LRBA: variants seen among roughly 807,000 people sequenced by gnomAD.
LRBA encodes lipopolysaccharide-responsive and beige-like anchor protein.
LRBA carries 176 observed loss-of-function variants against 330.0 expected under a neutral mutation model. The observed-to-expected ratio is 0.53, with a 90% confidence interval of 0.47 to 0.60. LRBA has a LOEUF of 0.60. Ranked by LOEUF, LRBA falls within the 20% of genes least tolerant of loss-of-function variation. LRBA has a pLI of 0.00. For synonymous variants in LRBA, 1,230 were observed against 1,193.0 expected (o/e 1.03, Z -0.64); for missense variants, 3,259 against 3,444.8 (o/e 0.95, Z 1.35).
chr4:150,641,234 C>T (rs1333316509), intron 37 of LRBA, among the ~76,000 whole-genome samples: 2 of 152,120 alleles, frequency 1.3e-5, no homozygotes, highest in Non-Finnish European at 2.9e-5. Flanking sequence ...CCCATGAATC[C>T]TCAATATCCT....
At chr4:150,863,835 T>C (rs1752310232) in intron 22 of LRBA, among the ~76,000 whole-genome samples, 1 of 152,210 alleles carries the variant, frequency 6.6e-6, no homozygotes, top group Non-Finnish European at 1.5e-5. Context: ...CTTTATTTTG[T>C]ATATAGGGAA....
At position 150,871,367 on chromosome 4, in the gene LRBA, G is replaced by A. The variant is rs776922216; in HGVS notation, c.2345C>T (p.Thr782Ile). The A allele has an allele frequency of 2.9e-5, 46 of 1,607,684 alleles. No individual in the cohort carries two copies. The highest frequency in any genetic ancestry group is 3.7e-5 in the Non-Finnish European group (43 of 1,174,630). Residue 782 changes from threonine to isoleucine, a missense_variant, in exon 19 of 57, where the codon ACC (threonine) becomes ATC (isoleucine). By Grantham distance (89) the Thr-to-Ile change is moderately conservative (BLOSUM62 -1). Coordinates refer to ENST00000651943, the MANE Select transcript of LRBA (RefSeq NM_001364905.1). Reference protein sequence around the residue: ...LMLQTNLITMTTYNVLFEILI... With the variant: ...LMLQTNLITMITYNVLFEILI... ...TACCTCAAACAGCACATTATATGTGGTCATTGTGATTAAATTTGTCTGAAG... is the reference window on the plus strand; with the variant it reads ...TACCTCAAACAGCACATTATATGTGATCATTGTGATTAAATTTGTCTGAAG...
chr4:150,858,949 A>G (rs2126948395), intron 22 of LRBA, among the ~76,000 whole-genome samples: 1 of 152,266 alleles, frequency 6.6e-6, no homozygotes, highest in African/African-American at 2.4e-5. Flanking sequence ...ATTTTAATAA[A>G]CCAATTAGAG....
chr4:150,485,078 T>C (rs1310999627), intron 42 of LRBA, among the ~76,000 whole-genome samples: 1 of 152,000 alleles, frequency 6.6e-6, no homozygotes. Flanking sequence ...TCTACGTGTA[T>C]TTAAAATGAA....
chr4:150,914,223 G>A lies in LRBA; in HGVS notation c.1133C>T (p.Ala378Val). The change falls in exon 9 of 57, where the codon GCT becomes GTT. Residue 378 changes from alanine (A) to valine (V), a missense_variant. By Grantham distance (64) the Ala-to-Val change is moderately conservative (BLOSUM62 0). Coordinates refer to ENST00000651943, the MANE Select transcript of LRBA (RefSeq NM_001364905.1). Reference sequence around the variant, plus strand: ...GTATCCCAGGCCCAACTGATAAATAGCAAATATCTGAGCTGCATTTAGAGC... The same window carrying A: ...GTATCCCAGGCCCAACTGATAAATAACAAATATCTGAGCTGCATTTAGAGC... ...SEALNAAQIF[A>V]IYQLGLGYKG... 6.2e-7 allele frequency: 1 copy of A among 1,607,998 alleles called. No individual in the cohort carries two copies. Among genetic ancestry groups the A allele is most frequent in the Non-Finnish European group, 8.5e-7 (1 of 1,176,872 alleles).
intron 30 of LRBA, among the ~76,000 whole-genome samples, chr4:150,827,379 A>C (rs1389269209): frequency 6.6e-6 from 1 of 152,124 alleles, no homozygotes; most frequent in Non-Finnish European, 1.5e-5. Flanking sequence ...ATTCCAGTGC[A>C]TTTCTGTAAA....
At chr4:150,951,391 C>A (rs530567911) in intron 2 of LRBA, among the ~76,000 whole-genome samples, 5 of 151,664 alleles carry the variant, frequency 3.3e-5, no homozygotes, top group East Asian at 1.9e-4. Context: ...AAAAAAAATT[C>A]TTTGTGACAC....
intron 31 of LRBA, among the ~76,000 whole-genome samples, chr4:150,809,927 TAC>T (rs1743469754): frequency 2.2e-5 from 3 of 134,738 alleles, no homozygotes; most frequent in East Asian, 2.1e-4. Context: ...TACGATACGA[TAC>T]GATACTTCCC....
chr4:150,366,204 C>A (rs1460762695), intron 47 of LRBA, among the ~76,000 whole-genome samples: 1 of 151,982 alleles, frequency 6.6e-6, no homozygotes, highest in Non-Finnish European at 1.5e-5. Flanking sequence ...GCCTTTCAGA[C>A]AACCCCTATG....
At chr4:150,953,801 A>G (rs1447610095) in intron 2 of LRBA, among the ~76,000 whole-genome samples, 1 of 147,684 alleles carries the variant, frequency 6.8e-6, no homozygotes, top group African/African-American at 2.5e-5. Flanking sequence ...AGGAAGTGAG[A>G]AGCGTCTCTG....
intron 53 of LRBA, among the ~76,000 whole-genome samples, chr4:150,290,232 G>C (rs886691721): frequency 6.6e-5 from 10 of 152,182 alleles, no homozygotes; most frequent in Non-Finnish European, 1.3e-4. Flanking sequence ...CAAACAAGAT[G>C]ATTCTGGCCA....
At chr4:150,941,181 G>A (rs1389936200) in intron 2 of LRBA, among the ~76,000 whole-genome samples, 1 of 151,968 alleles carries the variant, frequency 6.6e-6, no homozygotes, top group African/African-American at 2.4e-5. Context: ...ATTTTGAGAT[G>A]GAGTCTCACT....
intron 20 of LRBA, 25 bp downstream of exon 20, chr4:150,870,500 T>C: frequency 7.6e-7 from 1 of 1,324,286 alleles, no homozygotes; most frequent in Non-Finnish European, 1.1e-6. Flanking sequence ...AAGGTAGTTT[T>C]TGTTAAAGTA....
intron 40 of LRBA, among the ~76,000 whole-genome samples, chr4:150,544,546 AC>A (rs1193049686): frequency 1.3e-5 from 2 of 151,754 alleles, no homozygotes; most frequent in Non-Finnish European, 2.9e-5. Flanking sequence ...CCTATCCCTG[AC>A]CCCCAAATAG....
At chr4:150,412,851 TATAA>T (rs1019173074) in intron 47 of LRBA, among the ~76,000 whole-genome samples, 4 of 151,266 alleles carry the variant, frequency 2.6e-5, no homozygotes, top group African/African-American at 9.7e-5. Flanking sequence ...TTATATATTG[TATAA>T]ATATTTAATA....
chr4:150,794,454 A>G (rs985645030), intron 34 of LRBA, among the ~76,000 whole-genome samples: 1 of 151,924 alleles, frequency 6.6e-6, no homozygotes, highest in African/African-American at 2.4e-5. Flanking sequence ...AGTACAGAAG[A>G]ACAAAAAATA....
At chr4:150,667,572 T>C (rs1481333127) in intron 37 of LRBA, among the ~76,000 whole-genome samples, 1 of 152,170 alleles carries the variant, frequency 6.6e-6, no homozygotes, top group Non-Finnish European at 1.5e-5. Flanking sequence ...ATTCATATGT[T>C]GAAATTTTAA....
chr4:150,879,275 T>C (rs931732123), intron 17 of LRBA, among the ~76,000 whole-genome samples: 2 of 152,180 alleles, frequency 1.3e-5, no homozygotes, highest in African/African-American at 4.8e-5. Context: ...ACCATACATT[T>C]ATCCCAATAG....
At chr4:150,798,868 T>C (rs951409805) in intron 33 of LRBA, among the ~76,000 whole-genome samples, 6 of 152,152 alleles carry the variant, frequency 3.9e-5, no homozygotes, top group Non-Finnish European at 8.8e-5. Context: ...AATTATTAAA[T>C]TGCATTACTA....
Sources: gnomAD v4.1 joint callset for allele counts (sites outside exome capture counted in the v4.1 genomes callset) on GRCh38, gnomAD v4.1.1 for gene constraint, MANE v1.5 for transcripts, NCBI Gene and HGNC (gene_info 2026-07-23, HGNC 2026-07-21) for gene names.